Variants in CEP135 observed in about 807,000 individuals in gnomAD.
CEP135 encodes centrosomal protein of 135 kDa.
In CEP135, 142 loss-of-function variants were observed where a neutral mutation model predicts 157.3. That is an observed-to-expected ratio of 0.90 (90% CI 0.79 to 1.04). CEP135 has a LOEUF of 1.04. Ranked by LOEUF, CEP135 falls within the 50% of genes least tolerant of loss-of-function variation. The pLI, the probability that CEP135 is intolerant of heterozygous loss-of-function variation, is 0.00. For missense variants in CEP135, 1,317 were observed against 1,309.2 expected, an observed-to-expected ratio of 1.01 and a Z score of -0.09; for synonymous variants, 396 against 439.8, an observed-to-expected ratio of 0.90 and a Z score of 1.25.
chr4:56,024,248 A>C (rs1184751005), intron 24 of CEP135, among the ~76,000 whole-genome samples: 1 of 149,862 alleles, frequency 6.7e-6, no homozygotes, highest in Non-Finnish European at 1.5e-5. Context: ...ACTATAAGAG[A>C]TTGTTCAAAG....
At chr4:55,988,008 A>G (rs953088647) in intron 14 of CEP135, among the ~76,000 whole-genome samples, 1 of 152,214 alleles carries the variant, frequency 6.6e-6, no homozygotes, top group Non-Finnish European at 1.5e-5. Context: ...AATGCATACA[A>G]TTTTAGTAGT....
Position 55,974,737 on chromosome 4 carries a change from A to C in CEP135, c.1250-9A>C. On this transcript the variant is annotated splice_polypyrimidine_tract_variant and intron_variant, in intron 10 of 25. Coordinates refer to ENST00000257287, the MANE Select transcript of CEP135 (RefSeq NM_025009.5). ...CATTATTTTAAGAGTTAACCACTTTAATTTACAGAACGACAACTTACTCTG... is the reference window on the plus strand; with the variant it reads ...CATTATTTTAAGAGTTAACCACTTTCATTTACAGAACGACAACTTACTCTG... The C allele has an allele frequency of 6.2e-7, 1 of 1,601,638 alleles. No individual in the cohort carries two copies. The highest frequency in any genetic ancestry group is 1.7e-5 in the Admixed American group (1 of 58,460).
intron 19 of CEP135, 59 bp from the exon 20 acceptor site, chr4:56,011,353 A>C: frequency 8.9e-7 from 1 of 1,121,402 alleles, no homozygotes; most frequent in Non-Finnish European, 1.3e-6. Context: ...TTTGAATATA[A>C]ATAAAATTTA....
At chr4:56,022,380 T>A (rs1731000225) in intron 24 of CEP135, among the ~76,000 whole-genome samples, 1 of 152,140 alleles carries the variant, frequency 6.6e-6, no homozygotes, top group South Asian at 2.1e-4. Context: ...AAAAAATTGT[T>A]TCTTGGGGGT....
intron 25 of CEP135, among the ~76,000 whole-genome samples, chr4:56,025,573 T>C (rs1165226107): frequency 1.3e-5 from 2 of 152,140 alleles, no homozygotes; most frequent in African/African-American, 4.8e-5. Context: ...GACTTTATTC[T>C]GTAAGTCAAA....
At chr4:56,009,299 T>G (rs1730481930) in intron 18 of CEP135, among the ~76,000 whole-genome samples, 1 of 152,186 alleles carries the variant, frequency 6.6e-6, no homozygotes, top group Admixed American at 6.5e-5. Context: ...GTAGCTGGAC[T>G]ACACGTGCCC....
intron 11 of CEP135, among the ~76,000 whole-genome samples, chr4:55,975,519 C>A (rs1023656112): frequency 6.6e-6 from 1 of 152,182 alleles, no homozygotes; most frequent in African/African-American, 2.4e-5. Flanking sequence ...CAAAGATGTT[C>A]TCTCTATGTT....
At chr4:56,000,883 G>C (rs974036684) in intron 17 of CEP135, among the ~76,000 whole-genome samples, 9 of 152,110 alleles carry the variant, frequency 5.9e-5, no homozygotes, top group Non-Finnish European at 1.2e-4. Flanking sequence ...GTGTACAAGA[G>C]TTCCTGTTTC....
At chr4:55,976,049 A>C (rs186630221) in intron 11 of CEP135, among the ~76,000 whole-genome samples, 1 of 152,262 alleles carries the variant, frequency 6.6e-6, no homozygotes, top group Non-Finnish European at 1.5e-5. Flanking sequence ...CAGGAGTTCG[A>C]GACCAGTCTG....
rs557988890 is a variant in CEP135, at chr4:55,954,550, G to C, written c.472+167G>C. Among the ~76,000 whole-genome samples the C allele has an allele frequency of 2.9e-3, 439 of 152,116 alleles. 3 individuals are homozygous for C. Among genetic ancestry groups the C allele is most frequent in the African/African-American group, 0.01 (428 of 41,500 alleles). Reference sequence around the variant, plus strand: ...CTTCTTGATTTATTTCTAATGATCCGGGTAGTAATTTATACGTGTGCTTAG... The same window carrying C: ...CTTCTTGATTTATTTCTAATGATCCCGGTAGTAATTTATACGTGTGCTTAG... On this transcript the variant is annotated intron_variant, in intron 4 of 25. Coordinates refer to ENST00000257287, the MANE Select transcript of CEP135 (RefSeq NM_025009.5).
At chr4:55,971,868 C>T (rs528489143) in intron 10 of CEP135, among the ~76,000 whole-genome samples, 5 of 152,156 alleles carry the variant, frequency 3.3e-5, no homozygotes, top group South Asian at 4.1e-4. Flanking sequence ...AGAATTCATT[C>T]GGCTGGGCGC....
At chr4:56,006,927 T>C (rs1169038773) in intron 17 of CEP135, among the ~76,000 whole-genome samples, 16 of 152,216 alleles carry the variant, frequency 1.1e-4, no homozygotes, top group Admixed American at 1.0e-3. Context: ...AGAGTCTTGC[T>C]CTGTCACCTA....
chr4:55,987,488 C>T (rs1197988717), intron 14 of CEP135, among the ~76,000 whole-genome samples: 1 of 152,106 alleles, frequency 6.6e-6, no homozygotes, highest in African/African-American at 2.4e-5. Context: ...GTTCCTTTCC[C>T]TGTGTCACAG....
intron 17 of CEP135, among the ~76,000 whole-genome samples, chr4:56,003,541 T>C (rs1730251078): frequency 6.6e-6 from 1 of 152,086 alleles, no homozygotes; most frequent in Admixed American, 6.6e-5. Flanking sequence ...TTCCATTTAT[T>C]TTTGCTCTGA....
chr4:55,953,149 G>T lies in CEP135; in HGVS notation c.178G>T (p.Glu60Ter). The change falls in exon 3 of 26, where the codon GAA becomes TAA. Residue 60 changes from glutamate (E) to a stop codon, truncating the protein, a stop_gained. Coordinates refer to ENST00000257287, the MANE Select transcript of CEP135 (RefSeq NM_025009.5). LOFTEE classifies it high-confidence loss of function. ...ATTATCTGCTGTGAAAGCTGAAAAA[G>T]AAAGTGCCAATTTTGATTTTGTTTT... ...SKLSAVKAEK[E>*]SANFDFVLEP... 4.4e-6 allele frequency: 7 copies of T among 1,607,758 alleles called. No homozygotes were observed. Among genetic ancestry groups the T allele is most frequent in the South Asian group, 1.1e-5 (1 of 89,388 alleles).
chr4:55,970,395 A>G (rs564900468), intron 9 of CEP135, among the ~76,000 whole-genome samples: 22 of 152,376 alleles, frequency 1.4e-4, no homozygotes, highest in African/African-American at 5.3e-4. Flanking sequence ...GATTTTAAAA[A>G]AATAACCTGT....
At chr4:55,971,119 A>G (rs1229328985) in intron 9 of CEP135, 151 bp from the exon 10 acceptor site, 5 of 451,036 alleles carry the variant, frequency 1.1e-5, no homozygotes, top group African/African-American at 2.0e-5. Flanking sequence ...ATTAAGTTTA[A>G]TTGAAACCTT....
chr4:56,025,678 T>A (rs1056716313), intron 25 of CEP135, among the ~76,000 whole-genome samples: 8 of 152,128 alleles, frequency 5.3e-5, no homozygotes, highest in Non-Finnish European at 1.2e-4. Flanking sequence ...TTCACAACTG[T>A]GTTTGAACCA....
At chr4:55,998,259 T>G (rs1157511146) in intron 15 of CEP135, among the ~76,000 whole-genome samples, 1 of 152,186 alleles carries the variant, frequency 6.6e-6, no homozygotes. Flanking sequence ...GTGAGAGCCA[T>G]GTCTTTTCAG....
Sources: allele counts gnomAD v4.1 joint callset (sites outside exome capture counted in the v4.1 genomes callset), GRCh38; gene constraint gnomAD v4.1.1; transcripts MANE v1.5; gene names NCBI Gene and HGNC (gene_info 2026-07-23, HGNC 2026-07-21).